NCKAP5: variants seen among roughly 807,000 people sequenced by gnomAD.
NCKAP5 encodes the protein nck-associated protein 5.
Under a neutral mutation model 167.0 loss-of-function variants are expected in NCKAP5, and 92 were observed. That is an observed-to-expected ratio of 0.55 (90% confidence interval 0.47 to 0.66). The LOEUF is 0.66. Ranked by LOEUF, NCKAP5 falls within the 30% of genes least tolerant of loss-of-function variation. The pLI, the probability that NCKAP5 is intolerant of heterozygous loss-of-function variation, is 0.00. For synonymous variants in NCKAP5, 891 were observed against 877.4 expected (o/e 1.02, Z -0.27); for missense variants, 2,378 against 2,315.0 (o/e 1.03, Z -0.56).
intron 8 of NCKAP5, among the ~76,000 whole-genome samples, chr2:132,893,770 T>A (rs1012068385): frequency 9.9e-5 from 15 of 152,186 alleles, no homozygotes; most frequent in Admixed American, 6.5e-5. Flanking sequence ...CTACTAGCAA[T>A]GTTTCATTTG....
intron 6 of NCKAP5, among the ~76,000 whole-genome samples, chr2:133,021,607 T>C (rs1200573320): frequency 6.6e-6 from 1 of 152,190 alleles, no homozygotes; most frequent in East Asian, 1.9e-4. Context: ...TGTTTGCTAT[T>C]GTGTAAACTC....
At chr2:133,290,726 TCC>T (rs1491313580) in intron 4 of NCKAP5, among the ~76,000 whole-genome samples, 5 of 95,268 alleles carry the variant, frequency 5.2e-5, no homozygotes, top group African/African-American at 1.6e-4. Flanking sequence ...CAAGAATTTC[TCC>T]TTTTTTTTTT....
intron 3 of NCKAP5, 81 bp from the exon 4 acceptor site, chr2:133,303,191 G>T: frequency 1.1e-6 from 1 of 937,420 alleles, no homozygotes; most frequent in Non-Finnish European, 1.7e-6. Context: ...TCTCTACAAG[G>T]AGTATTTTTG....
chr2:133,269,258 G>C (rs1194141451), intron 4 of NCKAP5, among the ~76,000 whole-genome samples: 2 of 152,138 alleles, frequency 1.3e-5, no homozygotes, highest in Admixed American at 1.3e-4. Context: ...TTTACCTTGT[G>C]GAGCTTACAT....
intron 3 of NCKAP5, among the ~76,000 whole-genome samples, chr2:133,452,753 T>C (rs140223479): frequency 1.6e-3 from 250 of 152,230 alleles, no homozygotes; most frequent in African/African-American, 5.7e-3. Context: ...GAAAAGGCAA[T>C]CAAAGCAGGA....
chr2:133,079,835 T>G (rs57257550), intron 6 of NCKAP5, among the ~76,000 whole-genome samples: 6,699 of 152,222 alleles, frequency 0.044, 285 homozygotes, highest in African/African-American at 0.11. Flanking sequence ...TATTCAAAAT[T>G]CTTTTACAGT....
chr2:132,821,810 A>G (rs572357126), intron 11 of NCKAP5, among the ~76,000 whole-genome samples: 2 of 152,210 alleles, frequency 1.3e-5, no homozygotes, highest in African/African-American at 2.4e-5. Context: ...CCTCTGGAAC[A>G]TAACCCCATT....
At chr2:133,484,652 G>C (rs1459008608) in intron 3 of NCKAP5, among the ~76,000 whole-genome samples, 1 of 152,120 alleles carries the variant, frequency 6.6e-6, no homozygotes, top group East Asian at 1.9e-4. Context: ...TTTTCTAATA[G>C]TTCAATGTAC....
intron 11 of NCKAP5, among the ~76,000 whole-genome samples, chr2:132,848,847 A>G (rs923273997): frequency 6.6e-6 from 1 of 152,196 alleles, no homozygotes; most frequent in African/African-American, 2.4e-5. Context: ...AAGATACAAT[A>G]AAATAAAACT....
the NCKAP5 span, among the ~76,000 whole-genome samples, chr2:133,595,303 G>C: frequency 6.6e-6 from 1 of 151,834 alleles, no homozygotes; most frequent in South Asian, 2.1e-4. Flanking sequence ...AGGGGGCCCA[G>C]CACTACTCTA....
At chr2:132,694,861 C>T (rs1199395619) in intron 19 of NCKAP5, among the ~76,000 whole-genome samples, 2 of 152,198 alleles carry the variant, frequency 1.3e-5, no homozygotes, top group African/African-American at 4.8e-5. Context: ...TCGCCACCCT[C>T]CAGTCTCCAG....
chr2:133,636,342 T>C, the NCKAP5 span, among the ~76,000 whole-genome samples: 1 of 152,144 alleles, frequency 6.6e-6, no homozygotes, highest in Non-Finnish European at 1.5e-5. Context: ...CAAAGAACAC[T>C]GACAATGACT....
At chr2:132,841,893 T>A (rs1314002104) in intron 11 of NCKAP5, among the ~76,000 whole-genome samples, 4 of 152,264 alleles carry the variant, frequency 2.6e-5, no homozygotes, top group African/African-American at 9.6e-5. Flanking sequence ...TAAAGACATT[T>A]CTTTATTCTA....
At chr2:133,660,911 A>T in the NCKAP5 span, among the ~76,000 whole-genome samples, 1 of 151,712 alleles carries the variant, frequency 6.6e-6, no homozygotes, top group African/African-American at 2.4e-5. Context: ...GAAAACCTGA[A>T]TGATTTGTAT....
intron 19 of NCKAP5, among the ~76,000 whole-genome samples, chr2:132,693,584 A>G (rs77970052): frequency 0.012 from 1,623 of 134,930 alleles, 34 homozygotes; most frequent in African/African-American, 0.038. Context: ...TAGGCTCCAG[A>G]AATGTGAAAG....
At chr2:133,563,564 TAAAAAAAAAAAAAAAA>T (rs57901498) in intron 1 of NCKAP5, among the ~76,000 whole-genome samples, 2 of 53,012 alleles carry the variant, frequency 3.8e-5, no homozygotes, top group East Asian at 7.7e-4. Flanking sequence ...AAAGACTCCA[TAAAAAAAAAAAAAAAA>T]AAAAAAAAAA....
In NCKAP5 at chr2:132,804,720, T is replaced by C. The variant is rs143726708; in HGVS notation, c.808-7991A>G. 1.4e-3 allele frequency among the ~76,000 whole-genome samples: 213 copies of C among 152,240 alleles called. 1 individual carries two copies. The highest frequency in any genetic ancestry group is 4.9e-3 in the African/African-American group (202 of 41,552). On this transcript the variant is annotated intron_variant, in intron 11 of 19. Coordinates refer to ENST00000409261, the MANE Select transcript of NCKAP5 (RefSeq NM_207363.3). ...CTGTGAAGTCCTTTCCCTAATCTTATCTCATGAATCTTCATACTACTGTGT... is the reference window on the plus strand; with the variant it reads ...CTGTGAAGTCCTTTCCCTAATCTTACCTCATGAATCTTCATACTACTGTGT...
intron 8 of NCKAP5, among the ~76,000 whole-genome samples, chr2:132,926,883 C>A (rs754104330): frequency 9.9e-5 from 15 of 152,018 alleles, no homozygotes; most frequent in Non-Finnish European, 2.1e-4. Flanking sequence ...TTATTAAGTC[C>A]CATCTGTCAA....
Position 132,782,500 on chromosome 2 carries a change from A to G in NCKAP5, c.4311T>C (p.Phe1437=), listed in dbSNP as rs755482779. 1 of 1,607,928 alleles carries G rather than the reference A, an allele frequency of 6.2e-7. No individual in the cohort carries two copies. Among genetic ancestry groups the G allele is most frequent in the Non-Finnish European group, 8.5e-7 (1 of 1,177,236 alleles). The change falls in exon 14 of 20, where the codon TTT becomes TTC. Residue 1437 remains phenylalanine, a synonymous_variant. Coordinates refer to ENST00000409261, the MANE Select transcript of NCKAP5 (RefSeq NM_207363.3). ...SPGRTQHPST[F]ETSSTSKLET... ...CTAGCTTGGATGTACTGCTTGTTTCAAAAGTGCTTGGATGCTGAGTCCTCC... is the reference window on the plus strand; with the variant it reads ...CTAGCTTGGATGTACTGCTTGTTTCGAAAGTGCTTGGATGCTGAGTCCTCC...
Sources: allele counts gnomAD v4.1 joint callset (sites outside exome capture counted in the v4.1 genomes callset), GRCh38; gene constraint gnomAD v4.1.1; transcripts MANE v1.5; gene names NCBI Gene and HGNC (gene_info 2026-07-23, HGNC 2026-07-21).